ROBO1: variants seen among roughly 807,000 people sequenced by gnomAD.
The protein encoded by ROBO1 is roundabout guidance receptor 1, also known as roundabout homolog 1.
A neutral mutation model predicts 195.9 loss-of-function variants in ROBO1; 149 were observed. The observed-to-expected ratio is 0.76, with a 90% CI of 0.67 to 0.87. The LOEUF (loss-of-function observed/expected upper bound fraction) is 0.87, where lower values mean the gene tolerates loss of function less well. Among genes scored for constraint, ROBO1 ranks in the 40% least tolerant of loss-of-function variants. The pLI, the probability that ROBO1 is intolerant of heterozygous loss-of-function variation, is 0.00. For synonymous variants in ROBO1, 816 were observed against 733.2 expected, an observed-to-expected ratio of 1.11 and a Z score of -1.82; for missense variants, 1,933 against 2,068.3, an observed-to-expected ratio of 0.93 and a Z score of 1.27.
At chr3:78,768,160 C>A (rs2083275957) in intron 4 of ROBO1, among the ~76,000 whole-genome samples, 1 of 151,778 alleles carries the variant, frequency 6.6e-6, no homozygotes, top group Non-Finnish European at 1.5e-5. Context: ...TTAAAATTTC[C>A]ATCTTGATTT....
chr3:78,833,544 A>G (rs1280157214), intron 4 of ROBO1, among the ~76,000 whole-genome samples: 1 of 152,164 alleles, frequency 6.6e-6, no homozygotes, highest in Non-Finnish European at 1.5e-5. Flanking sequence ...TCAAACTTTC[A>G]AAAAGTCCCA....
intron 2 of ROBO1, among the ~76,000 whole-genome samples, chr3:79,167,906 G>A (rs1043207182): frequency 6.6e-6 from 1 of 152,180 alleles, no homozygotes; most frequent in African/African-American, 2.4e-5. Flanking sequence ...AGAGAGGTTA[G>A]GAGGATTGAG....
chr3:79,291,843 T>C (rs779086035), intron 2 of ROBO1, among the ~76,000 whole-genome samples: 13 of 152,166 alleles, frequency 8.5e-5, no homozygotes, highest in Non-Finnish European at 1.6e-4. Flanking sequence ...TTTTGAAATA[T>C]AGAATCAAGA....
chr3:79,766,477 C>T (rs1428488556), intron 1 of ROBO1, among the ~76,000 whole-genome samples: 3 of 151,730 alleles, frequency 2.0e-5, no homozygotes, highest in Non-Finnish European at 4.4e-5. Context: ...GAAGGGTATC[C>T]CAGGATTTTA....
At chr3:78,749,564 T>C (rs2082738350) in intron 4 of ROBO1, among the ~76,000 whole-genome samples, 1 of 152,202 alleles carries the variant, frequency 6.6e-6, no homozygotes, top group Non-Finnish European at 1.5e-5. Flanking sequence ...TTCTTCTCTC[T>C]TCTAAAACTA....
chr3:79,188,084 A>G (rs2081473349), intron 2 of ROBO1, among the ~76,000 whole-genome samples: 1 of 151,984 alleles, frequency 6.6e-6, no homozygotes, highest in Admixed American at 6.6e-5. Flanking sequence ...TGCAGTAGAA[A>G]TCAGCCAGTC....
intron 1 of ROBO1, among the ~76,000 whole-genome samples, chr3:79,628,858 A>C (rs1945258466): frequency 6.6e-6 from 1 of 152,176 alleles, no homozygotes; most frequent in Admixed American, 6.5e-5. Flanking sequence ...TATTTACATA[A>C]ATTCAAACAT....
chr3:79,418,614 T>C (rs530624384), intron 2 of ROBO1, among the ~76,000 whole-genome samples: 2 of 152,270 alleles, frequency 1.3e-5, no homozygotes, highest in South Asian at 4.1e-4. Flanking sequence ...CACTGTTTAT[T>C]TAAATTGGGC....
intron 3 of ROBO1, among the ~76,000 whole-genome samples, chr3:79,082,331 A>C (rs1248918448): frequency 6.6e-6 from 1 of 152,162 alleles, no homozygotes; most frequent in African/African-American, 2.4e-5. Flanking sequence ...CTTATTATGC[A>C]TTTATGATAC....
chr3:79,319,154 T>C (rs2033869243), intron 2 of ROBO1, among the ~76,000 whole-genome samples: 1 of 152,154 alleles, frequency 6.6e-6, no homozygotes, highest in Admixed American at 6.6e-5. Context: ...AAACATTTTA[T>C]AAGTCTTTGA....
chr3:79,314,425 C>A (rs1413440121), intron 2 of ROBO1, among the ~76,000 whole-genome samples: 3 of 152,130 alleles, frequency 2.0e-5, no homozygotes, highest in Non-Finnish European at 4.4e-5. Context: ...CTGATGGTTT[C>A]ATAAGGGGCT....
At chr3:79,536,939 T>C (rs1363690134) in intron 2 of ROBO1, among the ~76,000 whole-genome samples, 2 of 152,174 alleles carry the variant, frequency 1.3e-5, no homozygotes, top group African/African-American at 4.8e-5. Context: ...CTATGGGATC[T>C]AGTGAATCTA....
chr3:79,083,577 A>G (rs2079314142), intron 3 of ROBO1, among the ~76,000 whole-genome samples: 1 of 152,204 alleles, frequency 6.6e-6, no homozygotes, highest in African/African-American at 2.4e-5. Flanking sequence ...TATTTTTAGC[A>G]GTATGCTCAA....
intron 3 of ROBO1, among the ~76,000 whole-genome samples, chr3:79,062,495 T>C (rs568086927): frequency 6.6e-6 from 1 of 152,274 alleles, no homozygotes; most frequent in African/African-American, 2.4e-5. Context: ...ATCCCATTAC[T>C]GGGTATATAC....
chr3:78,988,210 A>C (rs2077157240), intron 3 of ROBO1, among the ~76,000 whole-genome samples: 1 of 152,042 alleles, frequency 6.6e-6, no homozygotes, highest in Admixed American at 6.6e-5. Context: ...ATTCTTTTAC[A>C]ACTTAATTCG....
intron 2 of ROBO1, among the ~76,000 whole-genome samples, chr3:79,235,441 G>C (rs971967141): frequency 7.2e-5 from 11 of 152,008 alleles, no homozygotes; most frequent in Non-Finnish European, 1.6e-4. Flanking sequence ...GTGTTGCTAA[G>C]AATAGCTCTC....
chr3:78,779,513 C>T (rs333481), intron 4 of ROBO1, among the ~76,000 whole-genome samples: 84,490 of 151,978 alleles, frequency 0.56, 23,663 homozygotes, highest in East Asian at 0.73. Context: ...AAAAAGCTCA[C>T]CATCACTGGC....
intron 2 of ROBO1, among the ~76,000 whole-genome samples, chr3:79,215,098 T>C (rs1423931269): frequency 2.0e-5 from 3 of 152,070 alleles, no homozygotes; most frequent in Non-Finnish European, 4.4e-5. Flanking sequence ...ATCTGGACCA[T>C]CTGTAGGTGG....
At chr3:79,214,408 A>G (rs368769548) in intron 2 of ROBO1, among the ~76,000 whole-genome samples, 2 of 152,262 alleles carry the variant, frequency 1.3e-5, no homozygotes, top group Non-Finnish European at 1.5e-5. Context: ...ATGTGGACTC[A>G]TTTGGATATT....
Sources: allele counts gnomAD v4.1 joint callset (sites outside exome capture counted in the v4.1 genomes callset), GRCh38; gene constraint gnomAD v4.1.1; transcripts MANE v1.5; gene names NCBI Gene and HGNC (gene_info 2026-07-23, HGNC 2026-07-21).